CES3: variants seen among roughly 807,000 people sequenced by gnomAD.
The protein encoded by CES3 is carboxylesterase 3 (brain).
In CES3, 49 loss-of-function variants were observed where a neutral mutation model predicts 57.6. The ratio of observed to expected loss-of-function variants is 0.85; its 90% CI spans 0.68 to 1.08. CES3 has a LOEUF of 1.08. Ranked by LOEUF, CES3 falls within the 50% of genes least tolerant of loss-of-function variation. CES3 has a pLI of 0.00. For missense variants in CES3, 645 were observed against 742.0 expected, an observed-to-expected ratio of 0.87 and a Z score of 1.52; for synonymous variants, 266 against 281.6, an observed-to-expected ratio of 0.94 and a Z score of 0.55.
chr16:66,972,973 G>C lies in CES3; in HGVS notation c.1640G>C (p.Trp547Ser), dbSNP rs1265496597. Residue 547 changes from tryptophan to serine, a missense_variant, in exon 13 of 13, where the codon TGG becomes TCG. Transcript: ENST00000303334. ...TTCAGGGAGGCCTGGATGCAGTTCT[G>C]GTCAGAGACGCTCCCCAGCAAGATA... Reference protein sequence around the residue: ...QKFREAWMQFWSETLPSKIQQ... With the variant: ...QKFREAWMQFSSETLPSKIQQ... 1 of 1,614,118 alleles carries C rather than the reference G, an allele frequency of 6.2e-7. No individual in the cohort carries two copies. Among genetic ancestry groups the C allele is most frequent in the Non-Finnish European group, 8.5e-7 (1 of 1,180,032 alleles).
chr16:66,963,064 A>G lies in CES3; in HGVS notation c.83-115A>G, dbSNP rs747180425. ...GACCAGGCTCACCGGCTTGCTGGGA[A>G]GGTTACCAAGATGCTGTGTGGTAAG... On this transcript the variant is annotated intron_variant, in intron 1 of 12. Transcript: ENST00000303334. The surrounding 1 kb of genome is among the most constrained non-coding windows in gnomAD (Gnocchi z 4.9). 2 of 1,092,826 alleles carry G rather than the reference A, an allele frequency of 1.8e-6. No homozygotes were observed. Among genetic ancestry groups the G allele is most frequent in the African/African-American group, 1.6e-5 (1 of 64,450 alleles). The allele number at this position is 1,092,826 out of a possible 1,614,324, so 67.7% of individuals were successfully genotyped here.
intron 1 of CES3, among the ~76,000 whole-genome samples, chr16:66,961,725 G>C (rs137932139): frequency 6.6e-6 from 1 of 151,960 alleles, no homozygotes; most frequent in Admixed American, 6.6e-5. Flanking sequence ...CACCATGGCC[G>C]GCTAATTTTT....
chr16:66,967,602 C>T, intron 8 of CES3: 1 of 985,402 alleles, frequency 1.0e-6, no homozygotes, highest in Non-Finnish European at 1.2e-6. Context: ...AGAGTGTCAG[C>T]ACTGTGCTTT....
At chr16:66,971,126 A>C in intron 9 of CES3, 46 bp from the exon 10 acceptor site, 2 of 1,567,676 alleles carry the variant, frequency 1.3e-6, no homozygotes, top group Non-Finnish European at 1.7e-6. Flanking sequence ...ATGGTCTGCC[A>C]CATCTGTGCA....
At position 66,964,421 on chromosome 16, in the gene CES3, G is replaced by A. The variant is rs922162797; in HGVS notation, c.625G>A (p.Val209Met). Residue 209 changes from valine to methionine, a missense_variant, in exon 5 of 13, where the codon GTG (valine) becomes ATG (methionine). Coordinates refer to ENST00000303334, the MANE Select transcript of CES3 (RefSeq NM_024922.6). ...FLDVVAALRW[V>M]QENIAPFGGD... ...AGATGTGGTAGCTGCTTTGCGCTGGGTGCAAGAAAACATCGCCCCCTTCGG... is the reference window on the plus strand; with the variant it reads ...AGATGTGGTAGCTGCTTTGCGCTGGATGCAAGAAAACATCGCCCCCTTCGG... 2 of 1,614,048 alleles carry A rather than the reference G, an allele frequency of 1.2e-6. No individual in the cohort carries two copies. The highest frequency in any genetic ancestry group is 1.3e-5 in the African/African-American group (1 of 74,942).
In CES3 at chr16:66,963,623, T is replaced by G. The variant is rs1338666236; in HGVS notation, c.420T>G (p.Gly140=). The G allele has an allele frequency of 6.2e-7, 1 of 1,614,136 alleles. No individual in the cohort carries two copies. The highest frequency in any genetic ancestry group is 1.1e-5 in the South Asian group (1 of 91,084). Residue 140 remains glycine, a synonymous_variant, in exon 3 of 13, where the codon GGT becomes GGG. Transcript: ENST00000303334. The surrounding 1 kb of genome is among the most constrained non-coding windows in gnomAD (Gnocchi z 4.9). ...YSPAEVPAGS[G]RPVMVWVHGG... ...CAGCTGAGGTCCCCGCAGGGTCCGGTAGGCCGGTAGGCACCCCAGAGGGCC... is the reference window on the plus strand; with the variant it reads ...CAGCTGAGGTCCCCGCAGGGTCCGGGAGGCCGGTAGGCACCCCAGAGGGCC...
intron 10 of CES3, 90 bp downstream of exon 10, chr16:66,971,409 G>T (rs1963831653): frequency 1.4e-6 from 2 of 1,414,724 alleles, no homozygotes; most frequent in Non-Finnish European, 9.8e-7. Context: ...TAGGGTGCTG[G>T]TTCCCTCAAT....
At chr16:66,966,371 G>A (rs753319460) in intron 7 of CES3, 26 bp downstream of exon 7, 26 of 1,603,726 alleles carry the variant, frequency 1.6e-5, no homozygotes, top group Non-Finnish European at 2.2e-5. Context: ...TGGGGATGGT[G>A]CCGGGCAATG....
Position 66,963,383 on chromosome 16 carries a change from T to C in CES3, c.287T>C (p.Met96Thr), listed in dbSNP as rs756249343. ...CGGGATGCCAGCACTGCGCCCCCAA[T>C]GTGAGTAGTGCTGGTGGAGGCGGGC... ...GVRDASTAPP[M>T]CLQDVESMNS... is the part of the protein sequence containing the mutation. The change falls in exon 2 of 13, where the codon ATG becomes ACG. Residue 96 changes from methionine (M) to threonine (T), a missense_variant and splice_region_variant. Transcript: ENST00000303334. The surrounding 1 kb of genome is among the most constrained non-coding windows in gnomAD (Gnocchi z 4.9). 6.2e-6 allele frequency: 10 copies of C among 1,612,730 alleles called. 1 individual carries two copies. In the South Asian group the frequency reaches 6.6e-5, roughly 11 times the overall value.
At position 66,963,414 on chromosome 16, in the gene CES3, G is replaced by C. The variant is rs1173199925; in HGVS notation, c.287+31G>C. The C allele has an allele frequency of 6.2e-7, 1 of 1,611,670 alleles. No individual in the cohort carries two copies. The highest frequency in any genetic ancestry group is 1.3e-5 in the African/African-American group (1 of 75,014). Reference sequence around the variant, plus strand: ...TAGTGCTGGTGGAGGCGGGCAAACAGGCAGGTTGCAGGAGAATCCTGCTGC... The same window carrying C: ...TAGTGCTGGTGGAGGCGGGCAAACACGCAGGTTGCAGGAGAATCCTGCTGC... On this transcript the variant is annotated intron_variant, in intron 2 of 12. Coordinates refer to ENST00000303334, the MANE Select transcript of CES3 (RefSeq NM_024922.6). This position sits in a 1 kb window ranked among gnomAD's most constrained non-coding sequence, Gnocchi z 4.9.
rs747434568 is a variant in CES3, at chr16:66,972,386, TCCAGCATCGAC to T, written c.1327_1337del (p.His443PhefsTer13). ...GGAAGCCCTGTCTTTTTCTATGAGT[TCCAGCATCGAC>T]CCAGTTCTTTTGCGAAGATCAAACC... On this transcript the variant is annotated frameshift_variant, in exon 11 of 13. Coordinates refer to ENST00000303334, the MANE Select transcript of CES3 (RefSeq NM_024922.6). LOFTEE classifies it high-confidence loss of function. 18 of 1,611,014 alleles carry T rather than the reference TCCAGCATCGAC, an allele frequency of 1.1e-5. No homozygotes were observed. Among genetic ancestry groups the T allele is most frequent in the Non-Finnish European group, 1.5e-5 (18 of 1,178,506 alleles).
intron 8 of CES3, among the ~76,000 whole-genome samples, chr16:66,968,782 T>C (rs1277291319): frequency 6.6e-6 from 1 of 151,872 alleles, no homozygotes; most frequent in Non-Finnish European, 1.5e-5. Flanking sequence ...GGCGTGGTGG[T>C]GCATGCCTGT....
chr16:66,962,285 G>A (rs181008677), intron 1 of CES3, among the ~76,000 whole-genome samples: 1 of 152,342 alleles, frequency 6.6e-6, no homozygotes, highest in Non-Finnish European at 1.5e-5. Context: ...GCTCCCTAGA[G>A]AGATGCCTGC....
At chr16:66,969,076 T>C (rs1043482327) in intron 8 of CES3, among the ~76,000 whole-genome samples, 2 of 152,122 alleles carry the variant, frequency 1.3e-5, no homozygotes, top group Non-Finnish European at 2.9e-5. Context: ...TGGAAGGCTG[T>C]GCCCAGGACT....
In CES3 at chr16:66,963,436, C is replaced by A; in HGVS notation, c.287+53C>A. 6.2e-7 allele frequency: 1 copy of A among 1,610,176 alleles called. No homozygotes were observed. Among genetic ancestry groups the A allele is most frequent in the Non-Finnish European group, 8.5e-7 (1 of 1,176,934 alleles). ...ACAGGCAGGTTGCAGGAGAATCCTG[C>A]TGCTGGGGCTTGTGGGGCTGAACAG... On this transcript the variant is annotated intron_variant, in intron 2 of 12. Coordinates refer to ENST00000303334, the MANE Select transcript of CES3 (RefSeq NM_024922.6). The surrounding 1 kb of genome is among the most constrained non-coding windows in gnomAD (Gnocchi z 4.9).
At chr16:66,967,583 C>G (rs561358263) in intron 8 of CES3, 1 of 985,422 alleles carries the variant, frequency 1.0e-6, no homozygotes, top group Non-Finnish European at 1.2e-6. Context: ...GTGCATAGAA[C>G]TTCCCACAAG....
intron 11 of CES3, 65 bp from the exon 12 acceptor site, chr16:66,972,603 G>C: frequency 3.1e-6 from 5 of 1,612,514 alleles, no homozygotes; most frequent in Non-Finnish European, 4.2e-6. Flanking sequence ...CAGCACTGAG[G>C]ATCCTTGGGT....
rs377320113 is a variant in CES3, at chr16:66,963,919, G to A, written c.544G>A (p.Val182Ile). 5 of 1,613,182 alleles carry A rather than the reference G, an allele frequency of 3.1e-6. No homozygotes were observed. Among genetic ancestry groups the A allele is most frequent in the Non-Finnish European group, 4.2e-6 (5 of 1,179,250 alleles). Residue 182 changes from valine to isoleucine, a missense_variant, in exon 4 of 13, where the codon GTC becomes ATC. Val to Ile is a conservative substitution (Grantham distance 29). Transcript: ENST00000303334. The surrounding 1 kb of genome is among the most constrained non-coding windows in gnomAD (Gnocchi z 4.9). ...VVVTVQYRLG[V>I]LGFFSTGDEH... The stretch of plus-strand genomic sequence containing the variant: ...GGTTACAGTCCAGTACCGCCTTGGG[G>A]TCCTTGGCTTCTTCAGGTGAGACGA...
At chr16:66,972,805 T>G (rs771800617) in intron 12 of CES3, 49 bp from the exon 13 acceptor site, 1 of 1,614,006 alleles carries the variant, frequency 6.2e-7, no homozygotes, top group Admixed American at 1.7e-5. Context: ...TCGGCCCCTC[T>G]GGGGGACAGC....
Sources: allele counts gnomAD v4.1 joint callset (sites outside exome capture counted in the v4.1 genomes callset), GRCh38; gene constraint gnomAD v4.1.1; non-coding constraint Gnocchi (gnomAD v3.1); transcripts MANE v1.5; gene names NCBI Gene and HGNC (gene_info 2026-07-23, HGNC 2026-07-21).